The following SLC2A13 variants were observed in gnomAD, a reference collection of about 807,000 sequenced individuals.
SLC2A13 encodes the protein proton myo-inositol cotransporter.
In SLC2A13, 32 loss-of-function variants were observed where a neutral mutation model predicts 64.4. The ratio of observed to expected loss-of-function variants is 0.50; its 90% confidence interval spans 0.37 to 0.67. The LOEUF (loss-of-function observed/expected upper bound fraction) is 0.67. SLC2A13 is among the 30% of genes least tolerant of loss of function. The pLI is 0.00. For missense variants in SLC2A13, 743 were observed against 829.2 expected (o/e 0.90, Z 1.28); for synonymous variants, 338 against 327.1 (o/e 1.03, Z -0.36).
At chr12:39,849,667 T>A (rs1268490814) in intron 6 of SLC2A13, among the ~76,000 whole-genome samples, 1 of 152,192 alleles carries the variant, frequency 6.6e-6, no homozygotes, top group Admixed American at 6.5e-5. Flanking sequence ...TCTGACAGGA[T>A]AATTACCAAG....
Position 39,895,847 on chromosome 12 carries a change from TATGTATATGCGTGTATATGC to T in SLC2A13, c.1035-23906_1035-23887del, listed in dbSNP as rs1944792175. 7.9e-5 allele frequency among the ~76,000 whole-genome samples: 4 copies of T among 50,850 alleles called. 1 individual carries two copies. Among genetic ancestry groups the T allele is most frequent in the Admixed American group, 1.8e-4 (1 of 5,688 alleles). The allele number at this position is 50,850 out of a possible 152,430, so 33.4% of individuals were successfully genotyped here. A position where few individuals can be genotyped will look rare whatever the true frequency, so the allele number is the denominator to read the frequency against. On this transcript the variant is annotated intron_variant, in intron 4 of 9. Coordinates refer to ENST00000280871, the MANE Select transcript of SLC2A13 (RefSeq NM_052885.4). ...GTATATGCGTGTATATGCACACACATATGTATATGCGTGTATATGCACACACATATGTATATGCGTGTATA... is the reference window on the plus strand; with the variant it reads ...GTATATGCGTGTATATGCACACACATACACACATATGTATATGCGTGTATA...
intron 7 of SLC2A13, among the ~76,000 whole-genome samples, chr12:39,774,830 T>G (rs1012614703): frequency 1.3e-5 from 2 of 152,180 alleles, no homozygotes; most frequent in Non-Finnish European, 2.9e-5. Context: ...ATCGGTATAT[T>G]GACTACCTTA....
At chr12:39,767,082 C>A (rs895150902) in intron 7 of SLC2A13, among the ~76,000 whole-genome samples, 3 of 152,060 alleles carry the variant, frequency 2.0e-5, no homozygotes, top group Non-Finnish European at 2.9e-5. Context: ...TTACTTGGCC[C>A]AGATCCATCT....
chr12:40,028,291 G>C lies in SLC2A13; in HGVS notation c.925+10C>G. 1.2e-6 allele frequency: 2 copies of C among 1,607,012 alleles called. No individual in the cohort carries two copies. Among genetic ancestry groups the C allele is most frequent in the Non-Finnish European group, 1.7e-6 (2 of 1,175,150 alleles). ...GTTTTTAAATTCATATAAGTATAAA[G>C]TCTATATACCTGAGCCAACCTCTTT... is the stretch of plus-strand genomic sequence containing the variant. On this transcript the variant is annotated intron_variant, in intron 3 of 9. Transcript: ENST00000280871.
intron 4 of SLC2A13, among the ~76,000 whole-genome samples, chr12:39,948,598 A>G (rs1168002472): frequency 1.3e-5 from 2 of 152,068 alleles, no homozygotes; most frequent in African/African-American, 2.4e-5. Context: ...CTATAAACTC[A>G]CCTTGGTGAG....
At chr12:39,969,296 A>G (rs898669553) in intron 3 of SLC2A13, among the ~76,000 whole-genome samples, 7 of 152,138 alleles carry the variant, frequency 4.6e-5, no homozygotes, top group Non-Finnish European at 1.0e-4. Context: ...ATGATTTATA[A>G]TCCTTTGGGT....
intron 7 of SLC2A13, among the ~76,000 whole-genome samples, chr12:39,793,357 C>T (rs2135768649): frequency 6.6e-6 from 1 of 152,086 alleles, no homozygotes; most frequent in Middle Eastern, 3.4e-3. Flanking sequence ...CAGAGATGTA[C>T]CTTGTTTATG....
chr12:40,009,050 A>G (rs555724068), intron 3 of SLC2A13, among the ~76,000 whole-genome samples: 1 of 152,234 alleles, frequency 6.6e-6, no homozygotes, highest in African/African-American at 2.4e-5. Context: ...AAAGCAAACA[A>G]GTAACTTAAT....
chr12:40,086,225 G>T (rs11564216), intron 1 of SLC2A13, among the ~76,000 whole-genome samples: 4,296 of 152,120 alleles, frequency 0.028, 176 homozygotes, highest in Admixed American at 0.11. Flanking sequence ...ACCAATCACG[G>T]ATGCATTGGC....
At chr12:40,042,255 A>G (rs1359883588) in intron 2 of SLC2A13, among the ~76,000 whole-genome samples, 1 of 152,128 alleles carries the variant, frequency 6.6e-6, no homozygotes, top group East Asian at 1.9e-4. Flanking sequence ...TTTAAAGTAG[A>G]TCTAGGAATA....
At chr12:39,809,313 CTTTATAGTAAG>C (rs1314433419) in intron 7 of SLC2A13, among the ~76,000 whole-genome samples, 1 of 152,078 alleles carries the variant, frequency 6.6e-6, no homozygotes, top group Non-Finnish European at 1.5e-5. Flanking sequence ...ATTACTGTAA[CTTTATAGTAAG>C]TCTTGAAATC....
At chr12:40,052,346 C>T (rs1315811511) in intron 1 of SLC2A13, among the ~76,000 whole-genome samples, 2 of 152,084 alleles carry the variant, frequency 1.3e-5, no homozygotes, top group Non-Finnish European at 2.9e-5. Context: ...CTCCTTTATC[C>T]TCAAGGGAGA....
At chr12:39,995,519 T>G (rs939963107) in intron 3 of SLC2A13, among the ~76,000 whole-genome samples, 1 of 152,208 alleles carries the variant, frequency 6.6e-6, no homozygotes, top group Non-Finnish European at 1.5e-5. Context: ...AAAGAGATTT[T>G]GAGCTACATG....
At chr12:39,972,136 C>T (rs993751234) in intron 3 of SLC2A13, among the ~76,000 whole-genome samples, 27 of 21,294 alleles carry the variant, frequency 1.3e-3, no homozygotes, top group African/African-American at 4.4e-3. Context: ...AGACTACCAT[C>T]TGATAAAATA....
In SLC2A13 at chr12:39,963,209, T is replaced by C. The variant is rs370059228; in HGVS notation, c.926-11844A>G. Among the ~76,000 whole-genome samples the C allele has an allele frequency of 3.9e-3, 556 of 144,158 alleles. 5 individuals carry two copies. The highest frequency in any genetic ancestry group is 0.013 in the African/African-American group (518 of 38,818). 94.6% of individuals were successfully genotyped at this position (144,158 alleles called of 152,430 possible). ...GGCTGAGGCAGGAGAATGGCGTGAA[T>C]CCAGGAGGTGGAGCTTGCAGTGAGC... On this transcript the variant is annotated intron_variant, in intron 3 of 9. Transcript: ENST00000280871.
In SLC2A13 at chr12:40,105,686, G is replaced by C; in HGVS notation, c.123C>G (p.Leu41=). 6.7e-7 allele frequency: 1 copy of C among 1,488,806 alleles called. No individual in the cohort carries two copies. Among genetic ancestry groups the C allele is most frequent in the Non-Finnish European group, 8.9e-7 (1 of 1,121,272 alleles). The allele number at this position is 1,488,806 out of a possible 1,614,324, so 92.2% of individuals were successfully genotyped here. The part of the protein sequence containing the change: ...DAASAAGECS[L]LAAAESSTSL... ...TGGTGCTCGATTCGGCGGCAGCCAGGAGGCTGCACTCCCCGGCCGCGCTCG... is the reference window on the plus strand; with the variant it reads ...TGGTGCTCGATTCGGCGGCAGCCAGCAGGCTGCACTCCCCGGCCGCGCTCG... Residue 41 remains leucine (L), a synonymous_variant, in exon 1 of 10, where the codon CTC becomes CTG. Coordinates refer to ENST00000280871, the MANE Select transcript of SLC2A13 (RefSeq NM_052885.4). This position sits in a 1 kb window ranked among gnomAD's most constrained non-coding sequence, Gnocchi z 4.2.
intron 5 of SLC2A13, among the ~76,000 whole-genome samples, chr12:39,870,800 C>T (rs771226849): frequency 4.6e-5 from 7 of 152,116 alleles, no homozygotes; most frequent in Non-Finnish European, 1.0e-4. Context: ...GAGGTGAAAG[C>T]GTTCTACTCT....
chr12:39,813,901 T>C (rs1942265217), intron 7 of SLC2A13, among the ~76,000 whole-genome samples: 1 of 152,250 alleles, frequency 6.6e-6, no homozygotes, highest in Non-Finnish European at 1.5e-5. Flanking sequence ...ATGTCATTCC[T>C]GGAAACTGTC....
chr12:40,015,587 G>A (rs556084117), intron 3 of SLC2A13, among the ~76,000 whole-genome samples: 1 of 152,170 alleles, frequency 6.6e-6, no homozygotes, highest in Non-Finnish European at 1.5e-5. Flanking sequence ...AAAGGGCCAT[G>A]ACTCACCTTT....
Sources: gnomAD v4.1 joint callset for allele counts (sites outside exome capture counted in the v4.1 genomes callset) on GRCh38, gnomAD v4.1.1 for gene constraint, Gnocchi (gnomAD v3.1) non-coding constraint, MANE v1.5 for transcripts, NCBI Gene and HGNC (gene_info 2026-07-23, HGNC 2026-07-21) for gene names.